Variants in SLC36A1 observed in about 807,000 individuals in gnomAD.
The protein encoded by SLC36A1 is proton-coupled amino acid transporter 1.
SLC36A1 carries 30 observed loss-of-function variants against 47.5 expected under a neutral mutation model. The ratio of observed to expected loss-of-function variants is 0.63; its 90% CI spans 0.47 to 0.86. The LOEUF (loss-of-function observed/expected upper bound fraction) is 0.86. Ranked by LOEUF, SLC36A1 falls within the 40% of genes least tolerant of loss-of-function variation. The probability of loss-of-function intolerance (pLI) is 0.00; values close to 1 mark genes in which losing one functional copy is unlikely to be tolerated. For missense variants in SLC36A1, 517 were observed against 606.0 expected (o/e 0.85, Z 1.54); for synonymous variants, 255 against 249.7 (o/e 1.02, Z -0.20).
intron 8 of SLC36A1, among the ~76,000 whole-genome samples, chr5:151,475,861 T>C (rs1757977780): frequency 6.6e-6 from 1 of 152,250 alleles, no homozygotes. Flanking sequence ...ATCCAGTTGA[T>C]GGCAGACTGT....
At chr5:151,512,761 C>T in the SLC36A1 span, 2 of 679,154 alleles carry the variant, frequency 2.9e-6, no homozygotes, top group Admixed American at 2.9e-5. This position sits in a 1 kb window ranked among gnomAD's most constrained non-coding sequence, Gnocchi z 4.1. Flanking sequence ...CATAAAAACC[C>T]TCAAAGTGCT....
At chr5:151,370,313 A>G in the SLC36A1 span, among the ~76,000 whole-genome samples, 1 of 152,250 alleles carries the variant, frequency 6.6e-6, no homozygotes, top group Non-Finnish European at 1.5e-5. Flanking sequence ...ATATTATCTT[A>G]TAGGTACTCA....
chr5:151,406,044 ATG>A, the SLC36A1 span, among the ~76,000 whole-genome samples: 1 of 152,104 alleles, frequency 6.6e-6, no homozygotes, highest in Non-Finnish European at 1.5e-5. Context: ...AAAGCGGGGG[ATG>A]AGAGGGTAAA....
the SLC36A1 span, among the ~76,000 whole-genome samples, chr5:151,506,328 C>T: frequency 6.6e-6 from 1 of 152,236 alleles, no homozygotes; most frequent in African/African-American, 2.4e-5. Context: ...ATCCCTGCCA[C>T]TAATCTGAGG....
the SLC36A1 span, among the ~76,000 whole-genome samples, chr5:151,398,669 A>G: frequency 6.6e-6 from 1 of 152,198 alleles, no homozygotes; most frequent in East Asian, 1.9e-4. Context: ...CCAATAATTC[A>G]GTCTTGTTAA....
intron 1 of SLC36A1, among the ~76,000 whole-genome samples, chr5:151,458,293 T>C (rs1319357862): frequency 7.3e-6 from 1 of 136,846 alleles, no homozygotes; most frequent in Non-Finnish European, 1.5e-5. Flanking sequence ...TGTATATATA[T>C]ACATACACGT....
In SLC36A1 at chr5:151,487,891, A is replaced by G. The variant is rs75180481; in HGVS notation, c.1160-92A>G. On this transcript the variant is annotated intron_variant, in intron 10 of 10. Transcript: ENST00000243389. ...TTTTCTTAGAGCTCTCAATCCTATAAGATGGACAGATGCTGAATTCGCTCA... is the reference window on the plus strand; with the variant it reads ...TTTTCTTAGAGCTCTCAATCCTATAGGATGGACAGATGCTGAATTCGCTCA... 11,862 of 1,447,742 alleles carry G rather than the reference A, an allele frequency of 8.2e-3. 506 individuals are homozygous for G. In the East Asian group the frequency reaches 0.14, roughly 17 times the overall value. The allele number at this position is 1,447,742 out of a possible 1,614,324, so 89.7% of individuals were successfully genotyped here. A position where few individuals can be genotyped will look rare whatever the true frequency, so the allele number is the denominator to read the frequency against.
rs188255026 is a variant in SLC36A1, at chr5:151,463,073, G to C, written c.144-480G>C. Reference sequence around the variant, plus strand: ...GTATTTTTAGTAGAGACGGGGTTTCGCCTTGTTGGCCAGGCTGGTCTCGAA... The same window carrying C: ...GTATTTTTAGTAGAGACGGGGTTTCCCCTTGTTGGCCAGGCTGGTCTCGAA... On this transcript the variant is annotated intron_variant, in intron 2 of 10. Transcript: ENST00000243389. Among the ~76,000 whole-genome samples, 129 of 152,070 alleles carry C rather than the reference G, an allele frequency of 8.5e-4. 1 individual carries two copies. Among genetic ancestry groups the C allele is most frequent in the African/African-American group, 3.0e-3 (123 of 41,504 alleles).
chr5:151,482,563 G>A (rs1420159102), intron 10 of SLC36A1, among the ~76,000 whole-genome samples: 1 of 152,138 alleles, frequency 6.6e-6, no homozygotes, highest in African/African-American at 2.4e-5. Flanking sequence ...TGGGTGCCTT[G>A]TAAAAATAGT....
At chr5:151,457,317 C>G (rs1754699835) in intron 1 of SLC36A1, among the ~76,000 whole-genome samples, 1 of 151,908 alleles carries the variant, frequency 6.6e-6, no homozygotes, top group Non-Finnish European at 1.5e-5. Flanking sequence ...TTAGAGTGAC[C>G]TGTGAAGGCT....
chr5:151,350,119 C>T, the SLC36A1 span, among the ~76,000 whole-genome samples: 807 of 151,626 alleles, frequency 5.3e-3, 8 homozygotes, highest in African/African-American at 0.018. Flanking sequence ...CCTATCCTCA[C>T]CACCACCACC....
intron 2 of SLC36A1, among the ~76,000 whole-genome samples, chr5:151,463,188 T>C (rs1420536757): frequency 1.3e-5 from 2 of 152,198 alleles, no homozygotes; most frequent in Non-Finnish European, 2.9e-5. Flanking sequence ...TCTGAGCCTT[T>C]ACAGTGGTCA....
chr5:151,531,646 G>T, the SLC36A1 span: 4 of 1,613,650 alleles, frequency 2.5e-6, no homozygotes, highest in East Asian at 2.2e-5. This position sits in a 1 kb window ranked among gnomAD's most constrained non-coding sequence, Gnocchi z 5.7. Flanking sequence ...GCGGTAGCCG[G>T]TCTTCTCTGC....
At chr5:151,399,480 G>A in the SLC36A1 span, among the ~76,000 whole-genome samples, 21 of 151,978 alleles carry the variant, frequency 1.4e-4, no homozygotes, top group African/African-American at 3.6e-4. Context: ...TAAATACTTT[G>A]TTCTTTTTGT....
the SLC36A1 span, among the ~76,000 whole-genome samples, chr5:151,420,878 C>CTTT: frequency 0.15 from 21,319 of 143,906 alleles, 1,925 homozygotes; most frequent in East Asian, 0.37. Flanking sequence ...CTCTTTCTTT[C>CTTT]TTTTTTTTTT....
intron 1 of SLC36A1, among the ~76,000 whole-genome samples, chr5:151,448,916 TG>T (rs1753214289): frequency 6.6e-6 from 1 of 152,158 alleles, no homozygotes; most frequent in Non-Finnish European, 1.5e-5. Flanking sequence ...CTTGTTTTTT[TG>T]TTTGTTTGTT....
At chr5:151,465,498 A>G (rs1428999212) in intron 5 of SLC36A1, among the ~76,000 whole-genome samples, 4 of 152,238 alleles carry the variant, frequency 2.6e-5, no homozygotes. Flanking sequence ...CTATCTTATA[A>G]ATGGAACAAA....
At chr5:151,453,197 T>TC (rs1753933132) in intron 1 of SLC36A1, among the ~76,000 whole-genome samples, 4 of 151,464 alleles carry the variant, frequency 2.6e-5, no homozygotes, top group Admixed American at 2.6e-4. Flanking sequence ...AGAATGAAAC[T>TC]CCATCTCCAA....
the SLC36A1 span, among the ~76,000 whole-genome samples, chr5:151,515,699 A>G: frequency 6.6e-6 from 1 of 152,116 alleles, no homozygotes; most frequent in Admixed American, 6.5e-5. Flanking sequence ...TGTAGAATCT[A>G]TCTTCTTTCC....
Sources: gnomAD v4.1 joint callset for allele counts (sites outside exome capture counted in the v4.1 genomes callset) on GRCh38, gnomAD v4.1.1 for gene constraint, Gnocchi (gnomAD v3.1) non-coding constraint, MANE v1.5 for transcripts, NCBI Gene and HGNC (gene_info 2026-07-23, HGNC 2026-07-21) for gene names.